Variants in VSIG1 observed in about 807,000 individuals in gnomAD.
VSIG1 encodes V-set and immunoglobulin domain containing 1, also known as V-set and immunoglobulin domain-containing protein 1.
Under a neutral mutation model 20.1 loss-of-function variants are expected in VSIG1, and 11 were observed. The observed-to-expected ratio is 0.55, with a 90% CI of 0.34 to 0.91. VSIG1 has a LOEUF of 0.91. Among genes scored for constraint, VSIG1 ranks in the 40% least tolerant of loss-of-function variants. The probability of loss-of-function intolerance (pLI) is 0.02; values close to 1 mark genes in which losing one functional copy is unlikely to be tolerated. For missense variants in VSIG1, 283 were observed against 298.8 expected (o/e 0.95, Z 0.39); for synonymous variants, 126 against 116.7 (o/e 1.08, Z -0.52).
At chrX:108,020,402 C>T in the VSIG1 span, among the ~76,000 whole-genome samples, 1 of 111,796 alleles carries the variant, frequency 8.9e-6, no homozygotes, top group Non-Finnish European at 1.9e-5. Context: ...TTCTGAATTG[C>T]TTTTCTGTGT....
chrX:108,034,678 A>C, the VSIG1 span, among the ~76,000 whole-genome samples: 1 of 112,436 alleles, frequency 8.9e-6, no homozygotes, highest in Non-Finnish European at 1.9e-5. Flanking sequence ...GCACTTCACA[A>C]ATAGTAACTT....
rs773379079 is a variant in VSIG1, at chrX:108,066,945, T to G, written c.223T>G (p.Ser75Ala). ...TTATTTTTCTGTCTAGATTTACTTT[T>G]CTCAAGGTGGACAAGCTGTAGCCAT... ...KEMEPISIYF[S>A]QGGQAVAIGQ... The change falls in exon 3 of 7, where the codon TCT becomes GCT. Residue 75 changes from serine (S) to alanine (A), a missense_variant. Transcript: ENST00000217957. 1 of 1,209,313 alleles carries G rather than the reference T, an allele frequency of 8.3e-7. No individual in the cohort carries two copies. Among genetic ancestry groups the G allele is most frequent in the African/African-American group, 1.7e-5 (1 of 57,186 alleles).
At chrX:108,076,301 C>A in intron 6 of VSIG1, 83 bp downstream of exon 6, 9 of 1,040,619 alleles carry the variant, frequency 8.6e-6, no homozygotes, top group Non-Finnish European at 1.2e-5. Flanking sequence ...CTAAGCACTC[C>A]TTTTAGTATA....
chrX:108,075,308 C>T (rs7876662), intron 5 of VSIG1, among the ~76,000 whole-genome samples: 30,736 of 111,228 alleles, frequency 0.28, 4,268 homozygotes, highest in Non-Finnish European at 0.42. Flanking sequence ...GGTTGCCTTT[C>T]GTGAATGGGA....
intron 2 of VSIG1, chrX:108,061,565 C>T (rs1192024428): frequency 9.0e-7 from 1 of 1,106,828 alleles, no homozygotes; most frequent in Non-Finnish European, 1.2e-6. Context: ...TACTACTGGA[C>T]TTCTTCATTG....
At chrX:108,069,237 C>A (rs1349202922) in intron 3 of VSIG1, among the ~76,000 whole-genome samples, 1 of 111,453 alleles carries the variant, frequency 9.0e-6, no homozygotes, top group East Asian at 2.8e-4. Flanking sequence ...GGTGTTTTTT[C>A]CCATGAGTCT....
chrX:108,040,153 T>C (rs181445568), upstream of VSIG1, among the ~76,000 whole-genome samples: 45 of 111,366 alleles, frequency 4.0e-4, no homozygotes, highest in African/African-American at 1.3e-3. Context: ...TCATAACATA[T>C]AAAGAGTACT....
At chrX:108,063,220 G>A (rs984069410) in intron 2 of VSIG1, among the ~76,000 whole-genome samples, 10 of 111,629 alleles carry the variant, frequency 9.0e-5, no homozygotes, top group African/African-American at 2.9e-4. Context: ...AGGTTGGGCT[G>A]GAGCAGGGAA....
the VSIG1 span, among the ~76,000 whole-genome samples, chrX:108,029,435 C>G: frequency 5.4e-5 from 6 of 111,869 alleles, no homozygotes; most frequent in African/African-American, 1.6e-4. Context: ...CCACAAAATG[C>G]TGGTTTAAAA....
At chrX:108,072,584 ATAT>A (rs1417118738) in intron 3 of VSIG1, 90 bp from the exon 4 acceptor site, 3 of 904,306 alleles carry the variant, frequency 3.3e-6, no homozygotes, top group South Asian at 2.4e-5. Context: ...ATAAACACAC[ATAT>A]TATTCAAAAT....
At position 108,078,648 on chromosome X, in the gene VSIG1, T is replaced by C. The variant is rs2147938730; in HGVS notation, c.*1267T>C. 8.9e-6 allele frequency: 1 copy of C among 112,181 alleles called. No individual in the cohort carries two copies. The highest frequency in any genetic ancestry group is 2.8e-4 in the East Asian group (1 of 3,586). The allele number at this position is 112,181 out of a possible 1,213,427, so 9.2% of individuals were successfully genotyped here. A position where few individuals can be genotyped will look rare whatever the true frequency, so the allele number is the denominator to read the frequency against. On this transcript the variant is annotated 3_prime_UTR_variant, in exon 7 of 7. Transcript: ENST00000217957. ...AAAAAACAAAAAATCCCCACAACTT[T>C]GTCAAATAATGTACAGGCAAACACT...
intron 1 of VSIG1, among the ~76,000 whole-genome samples, chrX:108,052,021 A>T (rs2030794746): frequency 9.0e-6 from 1 of 111,558 alleles, no homozygotes; most frequent in South Asian, 3.7e-4. Flanking sequence ...CAAAGGGTAC[A>T]AAGTTCCAGT....
intron 5 of VSIG1, among the ~76,000 whole-genome samples, chrX:108,075,753 T>C (rs2031335435): frequency 8.9e-6 from 1 of 111,756 alleles, no homozygotes. Context: ...CCTAGTGAAA[T>C]GTTCCTGCCT....
At chrX:108,047,239 G>A (rs2030600905) in intron 1 of VSIG1, among the ~76,000 whole-genome samples, 3 of 111,590 alleles carry the variant, frequency 2.7e-5, no homozygotes, top group African/African-American at 9.8e-5. Flanking sequence ...CAAACATCCA[G>A]ACATCATTTT....
chrX:108,049,509 T>C (rs1430825334), intron 1 of VSIG1, among the ~76,000 whole-genome samples: 1 of 111,977 alleles, frequency 8.9e-6, no homozygotes, highest in South Asian at 3.8e-4. Flanking sequence ...GTGTGAGTAC[T>C]GTGTGTACTC....
At chrX:108,063,861 G>T (rs190334998) in intron 2 of VSIG1, among the ~76,000 whole-genome samples, 105 of 111,212 alleles carry the variant, frequency 9.4e-4, no homozygotes, top group Non-Finnish European at 6.4e-4. Flanking sequence ...CACTGGGATG[G>T]ATTTCCTTAA....
intron 2 of VSIG1, among the ~76,000 whole-genome samples, chrX:108,063,660 C>G (rs911160066): frequency 9.0e-6 from 1 of 111,194 alleles, no homozygotes; most frequent in Non-Finnish European, 1.9e-5. Flanking sequence ...GCCCCTTAAC[C>G]TTAGAAACCA....
chrX:108,053,506 T>C (rs1051224437), intron 1 of VSIG1, among the ~76,000 whole-genome samples: 1 of 110,030 alleles, frequency 9.1e-6, no homozygotes, highest in Non-Finnish European at 1.9e-5. Context: ...TATGAATAAG[T>C]CAAGATGGAA....
the VSIG1 span, among the ~76,000 whole-genome samples, chrX:108,026,608 C>G: frequency 9.0e-6 from 1 of 111,261 alleles, no homozygotes; most frequent in Non-Finnish European, 1.9e-5. Flanking sequence ...GCTTGGTAGG[C>G]TAGAGTTAAG....
Sources: gnomAD v4.1 joint callset for allele counts (sites outside exome capture counted in the v4.1 genomes callset) on GRCh38, gnomAD v4.1.1 for gene constraint, MANE v1.5 for transcripts, NCBI Gene and HGNC (gene_info 2026-07-23, HGNC 2026-07-21) for gene names.